Variants in NCOR2 observed in about 807,000 individuals in gnomAD.
The protein encoded by NCOR2 is CTG repeat protein 26.
NCOR2 carries 81 observed loss-of-function variants against 262.9 expected under a neutral mutation model. That is an observed-to-expected ratio of 0.31 (90% CI 0.26 to 0.37). The LOEUF is 0.37. NCOR2 is among the 10% of genes least tolerant of loss of function. The probability of loss-of-function intolerance (pLI) is 1.00; values close to 1 mark genes in which losing one functional copy is unlikely to be tolerated. For missense variants in NCOR2, 3,385 were observed against 3,621.4 expected (o/e 0.93, Z 1.68); for synonymous variants, 1,659 against 1,559.3 (o/e 1.06, Z -1.51).
intron 16 of NCOR2, among the ~76,000 whole-genome samples, chr12:124,386,709 A>T (rs2040832365): frequency 6.6e-6 from 1 of 152,204 alleles, no homozygotes; most frequent in Non-Finnish European, 1.5e-5. Context: ...TTCTAGTTTC[A>T]AGGCCACAAA....
At chr12:124,474,070 C>T (rs1210660027) in intron 3 of NCOR2, among the ~76,000 whole-genome samples, 1 of 152,238 alleles carries the variant, frequency 6.6e-6, no homozygotes, top group Admixed American at 6.5e-5. Flanking sequence ...ACACACCTCT[C>T]TTCTTCCACT....
chr12:124,495,646 G>A (rs373100452), upstream of NCOR2, among the ~76,000 whole-genome samples: 7 of 152,250 alleles, frequency 4.6e-5, no homozygotes, highest in Non-Finnish European at 8.8e-5. The surrounding 1 kb of genome is among the most constrained non-coding windows in gnomAD (Gnocchi z 4.4). Context: ...GGGACTCTGC[G>A]CTGCCCTCAC....
intron 14 of NCOR2, among the ~76,000 whole-genome samples, chr12:124,401,807 T>C (rs2042000169): frequency 6.6e-6 from 1 of 152,236 alleles, no homozygotes. Context: ...AGATGTTCTC[T>C]GAAGCCAAAT....
In NCOR2 at chr12:124,548,603, T is replaced by C. The variant is rs1464982573; in HGVS notation, c.-164-12992A>G. Among the ~76,000 whole-genome samples the C allele has an allele frequency of 6.6e-6, 1 of 152,164 alleles. No homozygotes were observed. Among genetic ancestry groups the C allele is most frequent in the Non-Finnish European group, 1.5e-5 (1 of 68,040 alleles). On this transcript the variant is annotated intron_variant, in intron 1 of 32. Coordinates refer to the NCOR2 transcript ENST00000458234. The surrounding 1 kb of genome is among the most constrained non-coding windows in gnomAD (Gnocchi z 5.1). ...AAACATAGTTACTGTTTATTATTAT[T>C]CCATCTCACAATAACAGCATATTAT... is the stretch of plus-strand genomic sequence containing the variant.
In NCOR2 at chr12:124,432,733, G is replaced by A. The variant is rs2044039222; in HGVS notation, c.883-1946C>T. Among the ~76,000 whole-genome samples the A allele has an allele frequency of 6.6e-6, 1 of 152,142 alleles. No individual in the cohort carries two copies. ...GGGCTCTGCCTTCCCTCCAAGACAA[G>A]GAAGTCCCTCTCCACATCTAACCAC... On this transcript the variant is annotated intron_variant, in intron 8 of 46. Transcript: ENST00000405201. The surrounding 1 kb of genome is among the most constrained non-coding windows in gnomAD (Gnocchi z 5.1).
At chr12:124,438,147 A>ATACAG (rs2044475367) in intron 7 of NCOR2, 151 bp from the exon 10 acceptor site, 7 of 698,960 alleles carry the variant, frequency 1.0e-5, no homozygotes, top group Non-Finnish European at 1.7e-5. Flanking sequence ...CCCCAGAGAG[A>ATACAG]CCTGTGAGCT....
intron 43 of NCOR2, among the ~76,000 whole-genome samples, chr12:124,331,212 G>A (rs1287869988): frequency 1.3e-5 from 2 of 151,954 alleles, no homozygotes; most frequent in Non-Finnish European, 2.9e-5. Flanking sequence ...ACAGACATCC[G>A]CCACCACGCC....
intron 1 of NCOR2, among the ~76,000 whole-genome samples, chr12:124,507,411 T>G (rs569749912): frequency 6.8e-4 from 104 of 152,292 alleles, no homozygotes; most frequent in African/African-American, 2.3e-3. Flanking sequence ...TGATTGCTAG[T>G]GTTGTGCTTG....
intron 2 of NCOR2, among the ~76,000 whole-genome samples, chr12:124,485,364 G>A (rs1031911100): frequency 9.9e-5 from 15 of 152,230 alleles, no homozygotes; most frequent in Admixed American, 2.6e-4. Context: ...AAATGGCCAC[G>A]TGAGACAGAG....
chr12:124,333,051 C>A, intron 42 of NCOR2, 79 bp downstream of exon 44: 1 of 1,502,396 alleles, frequency 6.7e-7, no homozygotes, highest in Non-Finnish European at 8.9e-7. Flanking sequence ...CTCCACATGG[C>A]ACCACGGTGG....
intron 2 of NCOR2, among the ~76,000 whole-genome samples, chr12:124,484,031 C>G (rs1405312362): frequency 6.6e-6 from 1 of 152,102 alleles, no homozygotes; most frequent in Non-Finnish European, 1.5e-5. Context: ...TGGAACACCC[C>G]AGAGTGACTG....
chr12:124,460,760 C>T (rs2046121145), intron 5 of NCOR2, among the ~76,000 whole-genome samples: 1 of 152,226 alleles, frequency 6.6e-6, no homozygotes, highest in Non-Finnish European at 1.5e-5. Flanking sequence ...CAGTTCTAGG[C>T]AAAATCCCAA....
At chr12:124,495,358 G>A (rs977507195), upstream of NCOR2, 77 of 1,448,882 alleles carry the variant, frequency 5.3e-5, no homozygotes, top group Middle Eastern at 5.0e-4. The surrounding 1 kb of genome is among the most constrained non-coding windows in gnomAD (Gnocchi z 4.4). Flanking sequence ...GGGCCACCCC[G>A]TCACTGGCAC....
chr12:124,458,337 G>C (rs1243885), intron 5 of NCOR2, among the ~76,000 whole-genome samples: 21,670 of 152,250 alleles, frequency 0.14, 1,666 homozygotes, highest in East Asian at 0.18. Context: ...GGCGTGGCAG[G>C]CCAGCATCAC....
rs1455871878 is a variant in NCOR2, at chr12:124,443,132, C to T, written c.816-5136G>A. ...CTGCCATTTTCAGCTGCCCGGTTCA[C>T]GGCCGAGTGTTAAGGCAGCGCTGAG... On this transcript the variant is annotated intron_variant, in intron 7 of 46. Transcript: ENST00000405201. This position sits in a 1 kb window ranked among gnomAD's most constrained non-coding sequence, Gnocchi z 4.4. Among the ~76,000 whole-genome samples the T allele has an allele frequency of 4.6e-5, 7 of 152,226 alleles. No individual in the cohort carries two copies. The highest frequency in any genetic ancestry group is 7.3e-5 in the Non-Finnish European group (5 of 68,040).
At chr12:124,336,988 G>T in exon 38 of NCOR2, 2 of 1,511,376 alleles carry the variant, frequency 1.3e-6, no homozygotes, top group Non-Finnish European at 1.8e-6. Context: ...AGCGGGCTGG[G>T]GGCTTGGCGA....
chr12:124,373,343 GC>G (rs372878610), intron 19 of NCOR2, among the ~76,000 whole-genome samples: 1 of 30,984 alleles, frequency 3.2e-5, no homozygotes, highest in East Asian at 3.6e-4. Flanking sequence ...GTGTGCAGGG[GC>G]CCCGGGCACA....
At chr12:124,545,246 A>C (rs837480) in intron 1 of NCOR2, among the ~76,000 whole-genome samples, 1 of 151,740 alleles carries the variant, frequency 6.6e-6, no homozygotes, top group African/African-American at 2.4e-5. Flanking sequence ...AGGACTGGAT[A>C]AGAGCCCACC....
intron 16 of NCOR2, 67 bp from the exon 19 acceptor site, chr12:124,385,954 GGC>G: frequency 6.4e-7 from 1 of 1,551,182 alleles, no homozygotes; most frequent in Non-Finnish European, 8.7e-7. Flanking sequence ...CTGCATCCAT[GGC>G]CTGGGCGGCA....
Sources: gnomAD v4.1 joint callset for allele counts (sites outside exome capture counted in the v4.1 genomes callset) on GRCh38, gnomAD v4.1.1 for gene constraint, Gnocchi (gnomAD v3.1) non-coding constraint, MANE v1.5 for transcripts, NCBI Gene and HGNC (gene_info 2026-07-23, HGNC 2026-07-21) for gene names.